Variants in JAZF1 observed in about 807,000 individuals in gnomAD.
The protein encoded by JAZF1 is juxtaposed with another zinc finger protein 1.
A neutral mutation model predicts 26.4 loss-of-function variants in JAZF1; 8 were observed. That is an observed-to-expected ratio of 0.30 (90% CI 0.18 to 0.55). JAZF1 has a LOEUF of 0.55. JAZF1 is among the 20% of genes least tolerant of loss of function. JAZF1 has a pLI of 0.94. For missense variants in JAZF1, 199 were observed against 322.0 expected, an observed-to-expected ratio of 0.62 and a Z score of 2.92; for synonymous variants, 126 against 122.3, an observed-to-expected ratio of 1.03 and a Z score of -0.20.
intron 2 of JAZF1, among the ~76,000 whole-genome samples, chr7:27,896,209 A>G (rs1021467024): frequency 1.3e-5 from 2 of 152,216 alleles, no homozygotes; most frequent in African/African-American, 4.8e-5. Flanking sequence ...TTATTCTTCC[A>G]GTGCTTCTCT....
intron 1 of JAZF1, among the ~76,000 whole-genome samples, chr7:28,040,250 T>C (rs1783366615): frequency 6.6e-6 from 1 of 152,184 alleles, no homozygotes; most frequent in Non-Finnish European, 1.5e-5. Flanking sequence ...TATTCATTCA[T>C]TCACCCACTC....
At chr7:27,872,554 TAACTC>T (rs1469361515) in intron 3 of JAZF1, among the ~76,000 whole-genome samples, 1 of 152,184 alleles carries the variant, frequency 6.6e-6, no homozygotes, top group East Asian at 1.9e-4. Context: ...CAGGGGATGT[TAACTC>T]AACTTTGGCA....
intron 3 of JAZF1, among the ~76,000 whole-genome samples, chr7:27,856,105 C>A (rs1396161996): frequency 6.6e-6 from 1 of 152,056 alleles, no homozygotes; most frequent in East Asian, 1.9e-4. Flanking sequence ...AGCTGCGGAC[C>A]CTCGTGGTGT....
chr7:28,149,811 A>AT (rs942981752), intron 1 of JAZF1, among the ~76,000 whole-genome samples: 2 of 152,112 alleles, frequency 1.3e-5, no homozygotes, highest in African/African-American at 4.8e-5. Flanking sequence ...CAGTCACCTC[A>AT]TTTTCTTCCC....
chr7:28,052,005 G>GGGCA (rs1181966838), intron 1 of JAZF1, among the ~76,000 whole-genome samples: 1 of 152,074 alleles, frequency 6.6e-6, no homozygotes, highest in African/African-American at 2.4e-5. Context: ...TTCACTCTGA[G>GGGCA]GGCAGGCCTC....
intron 2 of JAZF1, among the ~76,000 whole-genome samples, chr7:27,983,704 G>C (rs1436491141): frequency 6.6e-6 from 1 of 152,326 alleles, no homozygotes; most frequent in East Asian, 1.9e-4. Flanking sequence ...CAGAGAGAAA[G>C]GTCGGGTTAC....
chr7:27,840,956 G>GT lies in JAZF1; in HGVS notation c.386-90dup. The GT allele has an allele frequency of 7.0e-7, 1 of 1,428,668 alleles. No homozygotes were observed. The highest frequency in any genetic ancestry group is 1.4e-5 in the African/African-American group (1 of 70,890). The allele number at this position is 1,428,668 out of a possible 1,614,324, so 88.5% of individuals were successfully genotyped here. On this transcript the variant is annotated intron_variant, in intron 3 of 4. Transcript: ENST00000283928. This position sits in a 1 kb window ranked among gnomAD's most constrained non-coding sequence, Gnocchi z 5.1. The stretch of plus-strand genomic sequence containing the variant: ...CACTTCCAGGACAGGAGATGTGGCC[G>GT]TGGCAGAGCAGCGCTGACGGCCCAG...
At chr7:27,908,948 G>A (rs1044445139) in intron 2 of JAZF1, among the ~76,000 whole-genome samples, 1 of 152,210 alleles carries the variant, frequency 6.6e-6, no homozygotes, top group Non-Finnish European at 1.5e-5. Flanking sequence ...GCTGGCACCT[G>A]TTGAATATGT....
intron 2 of JAZF1, among the ~76,000 whole-genome samples, chr7:27,901,805 G>A (rs948567568): frequency 1.3e-5 from 2 of 152,172 alleles, no homozygotes; most frequent in Admixed American, 1.3e-4. Context: ...TGTTAAAATT[G>A]AGATTTGGTT....
chr7:28,083,278 T>C (rs1007593099), intron 1 of JAZF1, among the ~76,000 whole-genome samples: 2 of 152,170 alleles, frequency 1.3e-5, no homozygotes, highest in African/African-American at 2.4e-5. Context: ...GCATATACCC[T>C]AAGGCTGTCT....
At chr7:27,957,450 C>T (rs777023558) in intron 2 of JAZF1, among the ~76,000 whole-genome samples, 12 of 152,268 alleles carry the variant, frequency 7.9e-5, no homozygotes, top group East Asian at 1.9e-4. Context: ...GGATTTCAAA[C>T]GACGCAGCTG....
intron 2 of JAZF1, among the ~76,000 whole-genome samples, chr7:27,943,109 C>T (rs1784873527): frequency 6.6e-6 from 1 of 152,172 alleles, no homozygotes; most frequent in Admixed American, 6.5e-5. Context: ...ACCCGGAATA[C>T]AGCAGGGTTC....
intron 1 of JAZF1, among the ~76,000 whole-genome samples, chr7:28,056,214 A>C (rs1157512504): frequency 6.6e-6 from 1 of 151,822 alleles, no homozygotes; most frequent in Non-Finnish European, 1.5e-5. Context: ...AAAAACCTGG[A>C]GCACGCAATA....
At chr7:28,166,933 ATTGT>A (rs1298727655) in intron 1 of JAZF1, among the ~76,000 whole-genome samples, 1 of 152,152 alleles carries the variant, frequency 6.6e-6, no homozygotes, top group Non-Finnish European at 1.5e-5. Flanking sequence ...GGTTATTTTG[ATTGT>A]TTTTCTCCCA....
At chr7:28,020,992 G>A (rs1044754775) in intron 1 of JAZF1, among the ~76,000 whole-genome samples, 2 of 152,180 alleles carry the variant, frequency 1.3e-5, no homozygotes, top group Admixed American at 1.3e-4. Context: ...GAGCTACTCA[G>A]TAATGGAGGT....
chr7:27,956,129 G>A (rs1214374407), intron 2 of JAZF1, among the ~76,000 whole-genome samples: 1 of 152,136 alleles, frequency 6.6e-6, no homozygotes, highest in African/African-American at 2.4e-5. Flanking sequence ...CTGTGAGTAG[G>A]GTGTAGCAGA....
intron 2 of JAZF1, among the ~76,000 whole-genome samples, chr7:27,943,586 T>A (rs968457171): frequency 2.6e-5 from 4 of 152,226 alleles, no homozygotes; most frequent in African/African-American, 9.6e-5. Flanking sequence ...TTCCCCTCGA[T>A]ATGATGCCAA....
chr7:27,847,591 A>C (rs1403196348), intron 3 of JAZF1, among the ~76,000 whole-genome samples: 2 of 152,156 alleles, frequency 1.3e-5, no homozygotes, highest in Non-Finnish European at 2.9e-5. Context: ...AGTTGAATAC[A>C]TGTGGGCTCT....
At chr7:28,069,628 T>C (rs150546680) in intron 1 of JAZF1, among the ~76,000 whole-genome samples, 603 of 152,242 alleles carry the variant, frequency 4.0e-3, no homozygotes, top group Middle Eastern at 0.02. Context: ...GAAGAGCTGC[T>C]CTCCATGCCC....
Sources: allele counts gnomAD v4.1 joint callset (sites outside exome capture counted in the v4.1 genomes callset), GRCh38; gene constraint gnomAD v4.1.1; non-coding constraint Gnocchi (gnomAD v3.1); transcripts MANE v1.5; gene names NCBI Gene and HGNC (gene_info 2026-07-23, HGNC 2026-07-21).